PLEKHG3: variants seen among roughly 807,000 people sequenced by gnomAD.
PLEKHG3 encodes pleckstrin homology and RhoGEF domain containing G3, also known as pleckstrin homology domain-containing family G member 3.
A neutral mutation model predicts 94.9 loss-of-function variants in PLEKHG3; 62 were observed. The observed-to-expected ratio is 0.65, with a 90% CI of 0.53 to 0.81. The LOEUF (loss-of-function observed/expected upper bound fraction) is 0.81, where lower values mean the gene tolerates loss of function less well. PLEKHG3 is among the 30% of genes least tolerant of loss of function. The pLI, the probability that PLEKHG3 is intolerant of heterozygous loss-of-function variation, is 0.00. For missense variants in PLEKHG3, 1,461 were observed against 1,619.3 expected (o/e 0.90, Z 1.68); for synonymous variants, 614 against 654.0 (o/e 0.94, Z 0.93).
chr14:64,724,119 G>A lies in PLEKHG3; in HGVS notation c.-39-3474G>A, dbSNP rs776323300. Among the ~76,000 whole-genome samples the A allele has an allele frequency of 9.9e-5, 15 of 151,866 alleles. No individual in the cohort carries two copies. The East Asian group carries it at 1.4e-3, about 14-fold the overall frequency. On this transcript the variant is annotated intron_variant, in intron 1 of 16. Transcript: ENST00000247226. ...CAGGTAGGAAGGAAAGGCTGACCCCGCCCGGGGAGCACCAGGGGAGGCACT... is the reference window on the plus strand; with the variant it reads ...CAGGTAGGAAGGAAAGGCTGACCCCACCCGGGGAGCACCAGGGGAGGCACT...
rs1223806993 is a variant in PLEKHG3, at chr14:64,726,293, T to C, written c.-39-1300T>C. On this transcript the variant is annotated intron_variant, in intron 1 of 16. Coordinates refer to ENST00000247226, the MANE Select transcript of PLEKHG3 (RefSeq NM_001308147.2). This position sits in a 1 kb window ranked among gnomAD's most constrained non-coding sequence, Gnocchi z 5.1. ...AATGGCAGCTTCTAGATTCTTCTCC[T>C]TGTAGCTCAAGTCTCTGCCCTTTAG... Among the ~76,000 whole-genome samples, 2 of 152,128 alleles carry C rather than the reference T, an allele frequency of 1.3e-5. No homozygotes were observed. The highest frequency in any genetic ancestry group is 4.8e-5 in the African/African-American group (2 of 41,402).
Position 64,741,163 on chromosome 14 carries a change from A to C in PLEKHG3, c.1646A>C (p.Gln549Pro), listed in dbSNP as rs1594712799. The C allele has an allele frequency of 7.4e-6, 12 of 1,614,126 alleles. No individual in the cohort carries two copies. The highest frequency in any genetic ancestry group is 1.0e-5 in the Non-Finnish European group (12 of 1,180,016). The change falls in exon 16 of 17, where the codon CAG (glutamine) becomes CCG (proline). Residue 549 changes from glutamine to proline, a missense_variant. Gln to Pro is a moderately conservative substitution (Grantham distance 76). This residue lies in a region of PLEKHG3 where 1,201 missense variants were observed against 1,295.5 expected (regional missense o/e 0.93). Transcript: ENST00000247226. ...CTGGAGACACAGCTTGATGCCCACCAGGGCCTTCTGGGGATGGACCCCCCA... is the reference window on the plus strand; with the variant it reads ...CTGGAGACACAGCTTGATGCCCACCCGGGCCTTCTGGGGATGGACCCCCCA... ...EVLETQLDAH[Q>P]GLLGMDPPGD...
chr14:64,719,759 C>T (rs879507111), intron 1 of PLEKHG3, among the ~76,000 whole-genome samples: 3 of 152,028 alleles, frequency 2.0e-5, no homozygotes, highest in Non-Finnish European at 2.9e-5. Context: ...CCACCCACCC[C>T]GCTCCAGCCT....
chr14:64,731,775 A>G lies in PLEKHG3; in HGVS notation c.1094A>G (p.Tyr365Cys). 2 of 1,613,454 alleles carry G rather than the reference A, an allele frequency of 1.2e-6. No individual in the cohort carries two copies. Among genetic ancestry groups the G allele is most frequent in the Non-Finnish European group, 1.7e-6 (2 of 1,179,596 alleles). The change falls in exon 9 of 17, where the codon TAC becomes TGC. Residue 365 changes from tyrosine to cysteine, a missense_variant. Transcript: ENST00000247226. The surrounding 1 kb of genome is among the most constrained non-coding windows in gnomAD (Gnocchi z 6.1). ...RDSLCFTVTHYKHSKQQYSIQ... is the reference protein window; with the variant it reads ...RDSLCFTVTHCKHSKQQYSIQ... ...TCCCTGTGCTTCACTGTCACCCACT[A>G]CAAGCACAGCAAGCAGCAGTACAGC...
Position 64,730,375 on chromosome 14 carries a change from G to T in PLEKHG3, c.519+63G>T. 1 of 1,085,654 alleles carries T rather than the reference G, an allele frequency of 9.2e-7. No individual in the cohort carries two copies. Among genetic ancestry groups the T allele is most frequent in the Non-Finnish European group, 1.4e-6 (1 of 735,676 alleles). 67.3% of individuals were successfully genotyped at this position (1,085,654 alleles called of 1,614,324 possible). ...CTGAGAGCTCAGAGAGACAAGAACT[G>T]CCAGCATAAGAGGACATCTGAGTCC... On this transcript the variant is annotated intron_variant, in intron 4 of 16. Coordinates refer to ENST00000247226, the MANE Select transcript of PLEKHG3 (RefSeq NM_001308147.2). This position sits in a 1 kb window ranked among gnomAD's most constrained non-coding sequence, Gnocchi z 5.4.
rs2081184712 is a variant in PLEKHG3, at chr14:64,717,265, T to C, written c.-39-10328T>C. Among the ~76,000 whole-genome samples, 1 of 152,168 alleles carries C rather than the reference T, an allele frequency of 6.6e-6. No individual in the cohort carries two copies. The highest frequency in any genetic ancestry group is 1.5e-5 in the Non-Finnish European group (1 of 68,026). ...GGATGTGTTGGAGCTCTTCTCTTGC[T>C]GTATCACCTTCGAAGAAGAGGCGAG... On this transcript the variant is annotated intron_variant, in intron 1 of 16. Transcript: ENST00000247226. This position sits in a 1 kb window ranked among gnomAD's most constrained non-coding sequence, Gnocchi z 4.7.
Position 64,743,003 on chromosome 14 carries a change from C to G in PLEKHG3, c.2960C>G (p.Ser987Cys). The stretch of plus-strand genomic sequence containing the variant: ...ATAGGTAAGAGGAAGCCGGTGCTGT[C>G]TCTATTTGACTATGAGCAGCTGATG... ...GGKGKRKPVL[S>C]LFDYEQLMAQ... Residue 987 changes from serine (S) to cysteine (C), a missense_variant, in exon 17 of 17, where the codon TCT (serine) becomes TGT (cysteine). Coordinates refer to ENST00000247226, the MANE Select transcript of PLEKHG3 (RefSeq NM_001308147.2). The surrounding 1 kb of genome is among the most constrained non-coding windows in gnomAD (Gnocchi z 7.2). 1 of 1,613,260 alleles carries G rather than the reference C, an allele frequency of 6.2e-7. No individual in the cohort carries two copies. The highest frequency in any genetic ancestry group is 1.3e-5 in the African/African-American group (1 of 75,048).
In PLEKHG3 at chr14:64,742,364, G is replaced by T. The variant is rs559214199; in HGVS notation, c.2847G>T (p.Leu949=). Residue 949 remains leucine, a synonymous_variant, in exon 16 of 17, where the codon CTG becomes CTT. Coordinates refer to ENST00000247226, the MANE Select transcript of PLEKHG3 (RefSeq NM_001308147.2). Reference sequence around the variant, plus strand: ...AGCCAGTGATGGCCAGGCCACCACTGCAGTGGGAAAAGGTGGCCCCTGAGA... The same window carrying T: ...AGCCAGTGATGGCCAGGCCACCACTTCAGTGGGAAAAGGTGGCCCCTGAGA... ...SNKPVMARPP[L]QWEKVAPERD... The T allele has an allele frequency of 7.4e-6, 12 of 1,612,934 alleles. No homozygotes were observed. The highest frequency in any genetic ancestry group is 2.7e-5 in the African/African-American group (2 of 74,958).
Position 64,738,214 on chromosome 14 carries a change from G to T in PLEKHG3, c.1405-528G>T. The T allele has an allele frequency of 7.8e-7, 1 of 1,288,250 alleles. No homozygotes were observed. Among genetic ancestry groups the T allele is most frequent in the Non-Finnish European group, 1.0e-6 (1 of 988,738 alleles). 79.8% of individuals were successfully genotyped at this position (1,288,250 alleles called of 1,614,324 possible). On this transcript the variant is annotated intron_variant, in intron 14 of 16. Transcript: ENST00000247226. The surrounding 1 kb of genome is among the most constrained non-coding windows in gnomAD (Gnocchi z 4.8). ...CGGGCCAACGCTTTACTTTTCTCCC[G>T]GGGCGCTATGGTGAGGTGTCTCTTC...
Position 64,718,611 on chromosome 14 carries a change from G to A in PLEKHG3, c.-39-8982G>A, listed in dbSNP as rs896969995. ...AGAGAGATTGAGGCACAAAGAGCCC[G>A]CTGACTTGCTCCTGATCATACAGTG... On this transcript the variant is annotated intron_variant, in intron 1 of 16. Transcript: ENST00000247226. The surrounding 1 kb of genome is among the most constrained non-coding windows in gnomAD (Gnocchi z 5.0). 6.6e-6 allele frequency among the ~76,000 whole-genome samples: 1 copy of A among 152,204 alleles called. No homozygotes were observed. The highest frequency in any genetic ancestry group is 1.9e-4 in the East Asian group (1 of 5,198).
chr14:64,745,171 T>C lies in PLEKHG3; in HGVS notation c.*1468T>C. 1 of 152,414 alleles carries C rather than the reference T, an allele frequency of 6.6e-6. No homozygotes were observed. Among genetic ancestry groups the C allele is most frequent in the East Asian group, 1.9e-4 (1 of 5,188 alleles). The allele number at this position is 152,414 out of a possible 1,614,324, so 9.4% of individuals were successfully genotyped here. A position where few individuals can be genotyped will look rare whatever the true frequency, so the allele number is the denominator to read the frequency against. On this transcript the variant is annotated 3_prime_UTR_variant, in exon 17 of 17. Transcript: ENST00000247226. The surrounding 1 kb of genome is among the most constrained non-coding windows in gnomAD (Gnocchi z 5.0). The stretch of plus-strand genomic sequence containing the variant: ...AAGTGCATTTTTCTGGGATGATTCC[T>C]CCCTTTTTATCACATTCTCAGAAGT...
chr14:64,718,952 A>T lies in PLEKHG3; in HGVS notation c.-39-8641A>T, dbSNP rs2081216193. On this transcript the variant is annotated intron_variant, in intron 1 of 16. Coordinates refer to ENST00000247226, the MANE Select transcript of PLEKHG3 (RefSeq NM_001308147.2). This position sits in a 1 kb window ranked among gnomAD's most constrained non-coding sequence, Gnocchi z 5.0. ...GTGCCCCCTGGCCCTGTTTCTCTCC[A>T]GCTCCCAGTAGTACATGCCGTCTCT... 6.6e-6 allele frequency among the ~76,000 whole-genome samples: 1 copy of T among 151,966 alleles called. No individual in the cohort carries two copies. The highest frequency in any genetic ancestry group is 1.5e-5 in the Non-Finnish European group (1 of 67,984).
intron 1 of PLEKHG3, among the ~76,000 whole-genome samples, chr14:64,712,128 G>A (rs1177887121): frequency 6.6e-6 from 1 of 152,160 alleles, no homozygotes; most frequent in East Asian, 1.9e-4. Context: ...TTGAAAATCA[G>A]TTGCCAATAA....
At position 64,716,612 on chromosome 14, in the gene PLEKHG3, G is replaced by T. The variant is rs2081167781; in HGVS notation, c.-39-10981G>T. On this transcript the variant is annotated intron_variant, in intron 1 of 16. Transcript: ENST00000247226. This position sits in a 1 kb window ranked among gnomAD's most constrained non-coding sequence, Gnocchi z 5.0. ...CCTTTTCCCAGAATCCACAGAGGGT[G>T]GTTGTTTTGGATCAAACCAAGCGTC... Among the ~76,000 whole-genome samples, 1 of 151,486 alleles carries T rather than the reference G, an allele frequency of 6.6e-6. No homozygotes were observed. The highest frequency in any genetic ancestry group is 1.5e-5 in the Non-Finnish European group (1 of 67,988).
intron 12 of PLEKHG3, among the ~76,000 whole-genome samples, chr14:64,736,493 G>A (rs554869981): frequency 3.9e-5 from 6 of 152,306 alleles, no homozygotes; most frequent in Middle Eastern, 3.4e-3. Flanking sequence ...AGGGACCTCC[G>A]GAGATGTTGC....
rs920852681 is a variant in PLEKHG3, at chr14:64,727,470, G to A, written c.-39-123G>A. The stretch of plus-strand genomic sequence containing the variant: ...CAGAACCTTTTCATCTTCTAAAACT[G>A]AACTCTGGATGCACTAAATAATACC... On this transcript the variant is annotated intron_variant, in intron 1 of 16. Transcript: ENST00000247226. This position sits in a 1 kb window ranked among gnomAD's most constrained non-coding sequence, Gnocchi z 6.0. 5 of 586,100 alleles carry A rather than the reference G, an allele frequency of 8.5e-6. No homozygotes were observed. Among genetic ancestry groups the A allele is most frequent in the African/African-American group, 7.5e-5 (4 of 53,612 alleles). 36.3% of individuals were successfully genotyped at this position (586,100 alleles called of 1,614,324 possible). A position where few individuals can be genotyped will look rare whatever the true frequency, so the allele number is the denominator to read the frequency against.
Position 64,743,893 on chromosome 14 carries a change from T to C in PLEKHG3, c.*190T>C. Reference sequence around the variant, plus strand: ...TCCTGCCTGTGCCATCCACTGGGGCTCGAGACAATTTCCCACTCACCTGTG... The same window carrying C: ...TCCTGCCTGTGCCATCCACTGGGGCCCGAGACAATTTCCCACTCACCTGTG... On this transcript the variant is annotated 3_prime_UTR_variant, in exon 17 of 17. Coordinates refer to ENST00000247226, the MANE Select transcript of PLEKHG3 (RefSeq NM_001308147.2). This position sits in a 1 kb window ranked among gnomAD's most constrained non-coding sequence, Gnocchi z 7.2. 1.8e-6 allele frequency: 1 copy of C among 541,754 alleles called. No homozygotes were observed. 33.6% of individuals were successfully genotyped at this position (541,754 alleles called of 1,614,324 possible).
In PLEKHG3 at chr14:64,743,291, C is replaced by G. The variant is rs758053410; in HGVS notation, c.3248C>G (p.Pro1083Arg). The change falls in exon 17 of 17, where the codon CCG (proline) becomes CGG (arginine). Residue 1083 changes from proline to arginine, a missense_variant. Transcript: ENST00000247226. The surrounding 1 kb of genome is among the most constrained non-coding windows in gnomAD (Gnocchi z 7.2). ...GPPVNRSHSV[P>R]ENMVEPPLSG... ...CCCGTCAACAGGAGCCACTCGGTGC[C>G]GGAGAACATGGTAGAGCCACCTCTG... 1.9e-6 allele frequency: 3 copies of G among 1,608,086 alleles called. No homozygotes were observed. Among genetic ancestry groups the G allele is most frequent in the Non-Finnish European group, 2.5e-6 (3 of 1,179,052 alleles).
In PLEKHG3 at chr14:64,734,059, T is replaced by C. The variant is rs144436377; in HGVS notation, c.1345+1158T>C. 2.7e-4 allele frequency among the ~76,000 whole-genome samples: 41 copies of C among 152,272 alleles called. 1 individual carries two copies. In the East Asian group the frequency reaches 6.4e-3, roughly 24 times the overall value. The stretch of plus-strand genomic sequence containing the variant: ...GTTTTGATTGGTGATGACCTGTGGG[T>C]CCCCTGAATGTGTGTGTGGATTGAC... On this transcript the variant is annotated intron_variant, in intron 12 of 16. Transcript: ENST00000247226.
Sources: allele counts gnomAD v4.1 joint callset (sites outside exome capture counted in the v4.1 genomes callset), GRCh38; gene constraint gnomAD v4.1.1; regional missense constraint gnomAD v4.1.1; non-coding constraint Gnocchi (gnomAD v3.1); transcripts MANE v1.5; gene names NCBI Gene and HGNC (gene_info 2026-07-23, HGNC 2026-07-21).